Variants in PCDH15 observed in about 807,000 individuals in gnomAD.
PCDH15 encodes the protein protocadherin related 15, also known as protocadherin-15.
In PCDH15, 129 loss-of-function variants were observed where a neutral mutation model predicts 178.5. That is an observed-to-expected ratio of 0.72 (90% CI 0.63 to 0.84). The LOEUF is 0.84. PCDH15 is among the 40% of genes least tolerant of loss of function. The pLI, the probability that PCDH15 is intolerant of heterozygous loss-of-function variation, is 0.00. For synonymous variants in PCDH15, 800 were observed against 732.0 expected, an observed-to-expected ratio of 1.09 and a Z score of -1.50; for missense variants, 2,230 against 2,099.9, an observed-to-expected ratio of 1.06 and a Z score of -1.21.
intron 2 of PCDH15, among the ~76,000 whole-genome samples, chr10:55,459,952 G>A (rs1030439652): frequency 1.3e-5 from 2 of 151,980 alleles, no homozygotes; most frequent in African/African-American, 4.8e-5. Context: ...GGGAGATCAT[G>A]GGCACTGAAT....
Position 54,626,552 on chromosome 10 carries a change from C to G in PCDH15, c.91+37620G>C, listed in dbSNP as rs550826376. 3.5e-4 allele frequency among the ~76,000 whole-genome samples: 53 copies of G among 152,294 alleles called. No homozygotes were observed. The South Asian group carries it at 4.8e-3, about 14-fold the overall frequency. On this transcript the variant is annotated intron_variant, in intron 2 of 37. Coordinates refer to ENST00000644397, the MANE Select transcript of PCDH15 (RefSeq NM_001384140.1). ...CAGTTTCCACGTGGTGTTGAGCCTGCAAGTGTACAGAAGTCAAGAATTGAG... is the reference window on the plus strand; with the variant it reads ...CAGTTTCCACGTGGTGTTGAGCCTGGAAGTGTACAGAAGTCAAGAATTGAG...
intron 3 of PCDH15, among the ~76,000 whole-genome samples, chr10:54,884,442 C>G (rs1954316809): frequency 6.6e-6 from 1 of 151,170 alleles, no homozygotes; most frequent in African/African-American, 2.4e-5. Flanking sequence ...CAAATGAAGA[C>G]AAAAACATAG....
At chr10:55,014,185 G>GT (rs1840115254) in intron 2 of PCDH15, among the ~76,000 whole-genome samples, 3 of 151,754 alleles carry the variant, frequency 2.0e-5, no homozygotes, top group Admixed American at 2.0e-4. Context: ...CTCAAAGGGA[G>GT]GAATACACCT....
intron 4 of PCDH15, among the ~76,000 whole-genome samples, chr10:54,373,281 AT>A (rs74997718): frequency 0.45 from 67,399 of 151,250 alleles, 15,862 homozygotes; most frequent in East Asian, 0.9. Context: ...TCAGGAGTGA[AT>A]TTTTTTTGTC....
intron 1 of PCDH15, among the ~76,000 whole-genome samples, chr10:55,239,791 C>T (rs1394512735): frequency 6.6e-6 from 1 of 151,826 alleles, no homozygotes; most frequent in Non-Finnish European, 1.5e-5. Context: ...ACTCATATAA[C>T]AAAAGATTAA....
chr10:54,664,699 G>A (rs1343476820), intron 1 of PCDH15, among the ~76,000 whole-genome samples: 1 of 151,860 alleles, frequency 6.6e-6, no homozygotes, highest in African/African-American at 2.4e-5. Flanking sequence ...TCCTACATGA[G>A]CATTTCAATG....
chr10:54,594,530 A>C (rs1174041428), intron 2 of PCDH15, among the ~76,000 whole-genome samples: 2 of 152,116 alleles, frequency 1.3e-5, no homozygotes, highest in Non-Finnish European at 2.9e-5. Context: ...ACTGCAGCTG[A>C]CTGGGAGAGT....
intron 2 of PCDH15, among the ~76,000 whole-genome samples, chr10:54,945,279 T>C (rs2131867826): frequency 6.6e-6 from 1 of 151,804 alleles, no homozygotes; most frequent in African/African-American, 2.4e-5. Context: ...TGTCTTATCA[T>C]TGTTCTTAGA....
Position 54,242,161 on chromosome 10 carries a change from TATATATATATATATATATATATATATAC to T in PCDH15, c.877-5258_877-5231del, listed in dbSNP as rs1564769644. 2.2e-3 allele frequency among the ~76,000 whole-genome samples: 221 copies of T among 102,606 alleles called. 13 individuals carry two copies. The highest frequency in any genetic ancestry group is 8.6e-3 in the African/African-American group (205 of 23,924). 67.3% of individuals were successfully genotyped at this position (102,606 alleles called of 152,430 possible). ...ATATATATATATATATATATATATATATATATATATATATATATATATATATACACACACACACATACATACATACACA... is the reference window on the plus strand; with the variant it reads ...ATATATATATATATATATATATATATACACACACACATACATACATACACA... On this transcript the variant is annotated intron_variant, in intron 8 of 37. Coordinates refer to ENST00000644397, the MANE Select transcript of PCDH15 (RefSeq NM_001384140.1).
intron 1 of PCDH15, among the ~76,000 whole-genome samples, chr10:54,748,694 C>G (rs1025467986): frequency 6.6e-6 from 1 of 152,178 alleles, no homozygotes; most frequent in Admixed American, 6.5e-5. Flanking sequence ...TAACCAGGAC[C>G]TGGTAAGGCC....
chr10:55,181,201 T>C (rs562959930), intron 1 of PCDH15, among the ~76,000 whole-genome samples: 15 of 152,146 alleles, frequency 9.9e-5, no homozygotes, highest in African/African-American at 3.4e-4. Context: ...CAGTCTGACA[T>C]TCTGTGATTT....
chr10:54,356,387 TA>T (rs1056003297), intron 5 of PCDH15, among the ~76,000 whole-genome samples: 23 of 151,958 alleles, frequency 1.5e-4, no homozygotes, highest in African/African-American at 4.3e-4. Flanking sequence ...AATTGAAAAC[TA>T]AACTTGGTTT....
chr10:53,925,552 A>G (rs1451381482), intron 25 of PCDH15, among the ~76,000 whole-genome samples: 1 of 152,242 alleles, frequency 6.6e-6, no homozygotes, highest in Non-Finnish European at 1.5e-5. Flanking sequence ...GATCTGAGTT[A>G]GCAGAATGGA....
At chr10:54,540,160 A>T (rs972243719) in intron 2 of PCDH15, among the ~76,000 whole-genome samples, 5 of 152,176 alleles carry the variant, frequency 3.3e-5, no homozygotes, top group Non-Finnish European at 5.9e-5. Flanking sequence ...TCAGGGCAGG[A>T]CTAAATAAAA....
chr10:55,113,199 T>C (rs906526447), intron 2 of PCDH15, among the ~76,000 whole-genome samples: 10 of 152,202 alleles, frequency 6.6e-5, no homozygotes, highest in Admixed American at 5.9e-4. Context: ...TAAGGTGGTA[T>C]GGAACACTTG....
intron 32 of PCDH15, among the ~76,000 whole-genome samples, chr10:53,826,097 T>C (rs1190403695): frequency 2.6e-5 from 4 of 151,784 alleles, no homozygotes; most frequent in Non-Finnish European, 5.9e-5. Flanking sequence ...CATACTCAAA[T>C]AGAATCAAAT....
chr10:55,059,319 G>A (rs1217303594), intron 2 of PCDH15, among the ~76,000 whole-genome samples: 1 of 151,974 alleles, frequency 6.6e-6, no homozygotes, highest in Admixed American at 6.6e-5. Flanking sequence ...CCCACTTTAC[G>A]TCCACTGTCT....
At chr10:54,912,201 G>C (rs1373195062) in intron 2 of PCDH15, among the ~76,000 whole-genome samples, 1 of 151,888 alleles carries the variant, frequency 6.6e-6, no homozygotes, top group East Asian at 1.9e-4. Flanking sequence ...TGCTAATTCA[G>C]TTAAGTTTAA....
At chr10:54,896,657 C>G (rs917081448) in intron 3 of PCDH15, among the ~76,000 whole-genome samples, 1 of 152,042 alleles carries the variant, frequency 6.6e-6, no homozygotes, top group African/African-American at 2.4e-5. Context: ...TTGACATTTA[C>G]TTTTCAGATT....
Sources: gnomAD v4.1 joint callset for allele counts (sites outside exome capture counted in the v4.1 genomes callset) on GRCh38, gnomAD v4.1.1 for gene constraint, MANE v1.5 for transcripts, NCBI Gene and HGNC (gene_info 2026-07-23, HGNC 2026-07-21) for gene names.